Variants in SLC30A3 observed in about 807,000 individuals in gnomAD.
SLC30A3 encodes solute carrier family 30 member 3, also known as probable proton-coupled zinc antiporter SLC30A3.
A neutral mutation model predicts 35.6 loss-of-function variants in SLC30A3; 20 were observed. The observed-to-expected ratio is 0.56, with a 90% CI of 0.39 to 0.82. The LOEUF is 0.82. SLC30A3 is among the 40% of genes least tolerant of loss of function. SLC30A3 has a pLI of 0.00. For synonymous variants in SLC30A3, 217 were observed against 224.7 expected (o/e 0.97, Z 0.31); for missense variants, 401 against 530.6 (o/e 0.76, Z 2.40).
chr2:27,269,208 C>CTTT (rs368309600), intron 1 of SLC30A3, among the ~76,000 whole-genome samples: 3 of 127,908 alleles, frequency 2.3e-5, no homozygotes, highest in African/African-American at 5.7e-5. Context: ...CTTTTTCTTT[C>CTTT]TTTTTTTTTT....
In SLC30A3 at chr2:27,262,446, T is replaced by G. The variant is rs919048551; in HGVS notation, c.95+366A>C. Among the ~76,000 whole-genome samples, 1 of 151,760 alleles carries G rather than the reference T, an allele frequency of 6.6e-6. No homozygotes were observed. Among genetic ancestry groups the G allele is most frequent in the African/African-American group, 2.4e-5 (1 of 41,342 alleles). On this transcript the variant is annotated intron_variant, in intron 1 of 7. Coordinates refer to ENST00000233535, the MANE Select transcript of SLC30A3 (RefSeq NM_003459.5). This position sits in a 1 kb window ranked among gnomAD's most constrained non-coding sequence, Gnocchi z 7.5. Reference sequence around the variant, plus strand: ...CCTGGGCAGCGAGGCGCTCCCGCCCTGGGCCCGGGGCAATGCGGACCTTGG... The same window carrying G: ...CCTGGGCAGCGAGGCGCTCCCGCCCGGGGCCCGGGGCAATGCGGACCTTGG...
upstream of SLC30A3, among the ~76,000 whole-genome samples, chr2:27,265,692 C>T (rs965437986): frequency 6.6e-6 from 1 of 152,244 alleles, no homozygotes; most frequent in Admixed American, 6.5e-5. The surrounding 1 kb of genome is among the most constrained non-coding windows in gnomAD (Gnocchi z 5.9). Flanking sequence ...GTGTCCCTCC[C>T]TGCTTCTCTC....
intron 1 of SLC30A3, among the ~76,000 whole-genome samples, chr2:27,273,611 C>T (rs1471822403): frequency 2.6e-5 from 4 of 151,018 alleles, no homozygotes; most frequent in African/African-American, 9.8e-5. Flanking sequence ...CCTCTAAACT[C>T]ATCTGACCCA....
chr2:27,269,026 AAG>A (rs1217586781), intron 1 of SLC30A3, among the ~76,000 whole-genome samples: 6 of 152,078 alleles, frequency 3.9e-5, no homozygotes, highest in Non-Finnish European at 2.9e-5. Context: ...AGACAAATGA[AAG>A]AGAGATTTTG....
upstream of SLC30A3, chr2:27,263,113 T>A (rs993434865): frequency 5.2e-6 from 7 of 1,342,506 alleles, no homozygotes; most frequent in Non-Finnish European, 5.7e-6. Flanking sequence ...TGGGGCGAGC[T>A]CCCCAAGCTC....
upstream of SLC30A3, chr2:27,263,330 G>A (rs757599651): frequency 1.1e-5 from 5 of 469,168 alleles, no homozygotes; most frequent in South Asian, 4.7e-5. Flanking sequence ...TGAAGCCCAA[G>A]AACCTCACGA....
chr2:27,261,141 A>T (rs1156493571), intron 1 of SLC30A3, among the ~76,000 whole-genome samples: 3 of 152,172 alleles, frequency 2.0e-5, no homozygotes, highest in African/African-American at 7.2e-5. Flanking sequence ...AGAATGACAA[A>T]GACGAGGTTT....
At chr2:27,273,012 T>C (rs963811946) in intron 1 of SLC30A3, among the ~76,000 whole-genome samples, 6 of 148,240 alleles carry the variant, frequency 4.0e-5, no homozygotes, top group African/African-American at 1.5e-4. Context: ...ATTGTGTCAC[T>C]GCACTCCAGA....
At chr2:27,275,391 GC>G (rs774165426), upstream of SLC30A3, 205 of 407,564 alleles carry the variant, frequency 5.0e-4, no homozygotes, top group Non-Finnish European at 8.8e-4. Context: ...GGCCAATGTG[GC>G]CTCCCCACCC....
chr2:27,257,042 G>T lies in SLC30A3; in HGVS notation c.777+112C>A. 2 of 1,212,446 alleles carry T rather than the reference G, an allele frequency of 1.6e-6. No individual in the cohort carries two copies. The highest frequency in any genetic ancestry group is 2.4e-6 in the Non-Finnish European group (2 of 821,504). The allele number at this position is 1,212,446 out of a possible 1,614,324, so 75.1% of individuals were successfully genotyped here. A position where few individuals can be genotyped will look rare whatever the true frequency, so the allele number is the denominator to read the frequency against. ...ACTCATGTCTGGGAGAGTCCTGGGA[G>T]GTGGGAGGGAGGAGCTGGAGGGAGG... On this transcript the variant is annotated intron_variant, in intron 5 of 7. Coordinates refer to ENST00000233535, the MANE Select transcript of SLC30A3 (RefSeq NM_003459.5). The surrounding 1 kb of genome is among the most constrained non-coding windows in gnomAD (Gnocchi z 4.7).
chr2:27,256,554 G>A (rs771638879), intron 6 of SLC30A3, 34 bp from the exon 7 acceptor site: 4 of 1,612,144 alleles, frequency 2.5e-6, no homozygotes, highest in African/African-American at 1.3e-5. Context: ...TTACTGCTAG[G>A]GCTACTCCTG....
At position 27,271,009 on chromosome 2, in the gene SLC30A3, A is replaced by G. The variant is rs1167432720; in HGVS notation, c.-159+4168T>C. 6.6e-6 allele frequency among the ~76,000 whole-genome samples: 1 copy of G among 152,220 alleles called. No homozygotes were observed. Among genetic ancestry groups the G allele is most frequent in the Non-Finnish European group, 1.5e-5 (1 of 68,050 alleles). On this transcript the variant is annotated intron_variant, in intron 1 of 5. Transcript: ENST00000424577. This position sits in a 1 kb window ranked among gnomAD's most constrained non-coding sequence, Gnocchi z 4.3. ...CGGTGTAGATACTGAACTTGGAGTC[A>G]GAAAACTCAGGTCAGATCTCACTAG...
At chr2:27,266,661 C>T (rs541236942), upstream of SLC30A3, among the ~76,000 whole-genome samples, 4 of 152,142 alleles carry the variant, frequency 2.6e-5, no homozygotes, top group Non-Finnish European at 4.4e-5. Context: ...TTTGGGAGGC[C>T]GAGGCAGGCA....
At chr2:27,265,270 C>T (rs1242333585), upstream of SLC30A3, among the ~76,000 whole-genome samples, 1 of 152,226 alleles carries the variant, frequency 6.6e-6, no homozygotes, top group East Asian at 1.9e-4. The surrounding 1 kb of genome is among the most constrained non-coding windows in gnomAD (Gnocchi z 5.9). Flanking sequence ...GGCAGAGGCG[C>T]CTCGCAGCGC....
Position 27,255,658 on chromosome 2 carries a change from A to AC in SLC30A3, c.1019-199dup. On this transcript the variant is annotated intron_variant, in intron 7 of 7. Transcript: ENST00000233535. This position sits in a 1 kb window ranked among gnomAD's most constrained non-coding sequence, Gnocchi z 5.2. ...AGACTCACCCCAATCAACCATGCTA[A>AC]CACACTAAACTCTTTCCAGTCTCCT... 1.7e-6 allele frequency: 1 copy of AC among 600,394 alleles called. No individual in the cohort carries two copies. Among genetic ancestry groups the AC allele is most frequent in the Non-Finnish European group, 2.9e-6 (1 of 341,250 alleles). 37.2% of individuals were successfully genotyped at this position (600,394 alleles called of 1,614,324 possible).
chr2:27,255,206 AG>A lies in SLC30A3; in HGVS notation c.*105del, dbSNP rs750478504. The A allele has an allele frequency of 6.2e-6, 10 of 1,603,258 alleles. No individual in the cohort carries two copies. In the East Asian group the frequency reaches 2.2e-4, roughly 36 times the overall value. ...GGCAGGTGGTAGGAGGGAGAGAGGAAGGGGTATGGACCTGGCTCGGTCCCGT... is the reference window on the plus strand; with the variant it reads ...GGCAGGTGGTAGGAGGGAGAGAGGAAGGGTATGGACCTGGCTCGGTCCCGT... On this transcript the variant is annotated 3_prime_UTR_variant, in exon 8 of 8. Transcript: ENST00000233535. The surrounding 1 kb of genome is among the most constrained non-coding windows in gnomAD (Gnocchi z 5.2).
chr2:27,255,292 G>C lies in SLC30A3; in HGVS notation c.*20C>G. ...GGGCTGAGCCTCGGCCTGGCAGTGG[G>C]GTGAGGGCAGGGCCATGGCTCAGGC... On this transcript the variant is annotated 3_prime_UTR_variant, in exon 8 of 8. Coordinates refer to ENST00000233535, the MANE Select transcript of SLC30A3 (RefSeq NM_003459.5). This position sits in a 1 kb window ranked among gnomAD's most constrained non-coding sequence, Gnocchi z 5.2. The C allele has an allele frequency of 6.2e-7, 1 of 1,613,200 alleles. No individual in the cohort carries two copies. Among genetic ancestry groups the C allele is most frequent in the Non-Finnish European group, 8.5e-7 (1 of 1,179,548 alleles).
intron 6 of SLC30A3, 62 bp from the exon 7 acceptor site, chr2:27,256,582 C>T (rs1366913163): frequency 1.7e-5 from 28 of 1,605,524 alleles, no homozygotes; most frequent in Non-Finnish European, 2.3e-5. Context: ...GCAGCACCCC[C>T]ACCACTGGAT....
In SLC30A3 at chr2:27,254,866, C is replaced by A; in HGVS notation, c.*446G>T. 5.9e-6 allele frequency: 2 copies of A among 338,926 alleles called. No individual in the cohort carries two copies. Among genetic ancestry groups the A allele is most frequent in the South Asian group, 4.9e-5 (2 of 40,716 alleles). The allele number at this position is 338,926 out of a possible 1,614,324, so 21.0% of individuals were successfully genotyped here. A position where few individuals can be genotyped will look rare whatever the true frequency, so the allele number is the denominator to read the frequency against. Reference sequence around the variant, plus strand: ...CTTTGGGGCCCCTGCATAGACAGAGCGAGGGCCATGTGGGGAGGGGGCCCC... The same window carrying A: ...CTTTGGGGCCCCTGCATAGACAGAGAGAGGGCCATGTGGGGAGGGGGCCCC... On this transcript the variant is annotated 3_prime_UTR_variant, in exon 8 of 8. Coordinates refer to ENST00000233535, the MANE Select transcript of SLC30A3 (RefSeq NM_003459.5).
Sources: allele counts gnomAD v4.1 joint callset (sites outside exome capture counted in the v4.1 genomes callset), GRCh38; gene constraint gnomAD v4.1.1; non-coding constraint Gnocchi (gnomAD v3.1); transcripts MANE v1.5; gene names NCBI Gene and HGNC (gene_info 2026-07-23, HGNC 2026-07-21).